Variants in CRHR2 observed in about 807,000 individuals in gnomAD.
The protein encoded by CRHR2 is corticotropin-releasing hormone receptor 2.
A neutral mutation model predicts 57.9 loss-of-function variants in CRHR2; 53 were observed. The observed-to-expected ratio is 0.92, with a 90% CI of 0.73 to 1.15. The LOEUF (loss-of-function observed/expected upper bound fraction) is 1.15. Among genes scored for constraint, CRHR2 ranks in the 50% most tolerant of loss-of-function variants. CRHR2 has a pLI of 0.00. For synonymous variants in CRHR2, 213 were observed against 220.9 expected (o/e 0.96, Z 0.32); for missense variants, 532 against 542.6 (o/e 0.98, Z 0.19).
chr7:30,698,883 G>A (rs1286095623), intron 1 of CRHR2, among the ~76,000 whole-genome samples: 1 of 152,224 alleles, frequency 6.6e-6, no homozygotes, highest in Non-Finnish European at 1.5e-5. Flanking sequence ...TACTGATGAG[G>A]AAACTGAGGA....
chr7:30,687,283 A>G (rs1049039988), upstream of CRHR2, among the ~76,000 whole-genome samples: 3 of 152,098 alleles, frequency 2.0e-5, no homozygotes, highest in East Asian at 5.8e-4. Context: ...CCATCCGGTC[A>G]TGGTTCATGT....
At chr7:30,681,412 A>G (rs1784700249) in intron 2 of CRHR2, among the ~76,000 whole-genome samples, 1 of 152,094 alleles carries the variant, frequency 6.6e-6, no homozygotes, top group African/African-American at 2.4e-5. Flanking sequence ...TGTCCTCCCC[A>G]CGAAACATGC....
Position 30,665,764 on chromosome 7 carries a change from C to T in CRHR2, c.316-125G>A, listed in dbSNP as rs1257570341. The T allele has an allele frequency of 5.5e-6, 4 of 729,812 alleles. No individual in the cohort carries two copies. Among genetic ancestry groups the T allele is most frequent in the African/African-American group, 1.8e-5 (1 of 56,466 alleles). 45.2% of individuals were successfully genotyped at this position (729,812 alleles called of 1,614,324 possible). On this transcript the variant is annotated intron_variant, in intron 3 of 11. Transcript: ENST00000471646. This position sits in a 1 kb window ranked among gnomAD's most constrained non-coding sequence, Gnocchi z 4.5. ...GCAGAAGTGCTCCAGGTGTCATTGC[C>T]GTGCCTGGCTCTTAGGGTTCGTTCC...
intron 1 of CRHR2, among the ~76,000 whole-genome samples, chr7:30,696,401 A>G (rs1379756469): frequency 6.6e-6 from 1 of 152,162 alleles, no homozygotes; most frequent in Non-Finnish European, 1.5e-5. Context: ...AAATATATAT[A>G]CCTACTATGT....
rs776276879 is a variant in CRHR2, at chr7:30,662,247, G to A, written c.698-31C>T. On this transcript the variant is annotated intron_variant, in intron 6 of 11. Coordinates refer to ENST00000471646, the MANE Select transcript of CRHR2 (RefSeq NM_001883.5). ...AGAAGGAAAGACTTGGGCTGCAGGG[G>A]ACAGATGGACAGGGACTTTCTTGTA... is the stretch of plus-strand genomic sequence containing the variant. The A allele has an allele frequency of 4.3e-6, 7 of 1,611,438 alleles. No homozygotes were observed. In the African/African-American group the frequency reaches 8.0e-5, roughly 18 times the overall value.
At chr7:30,666,538 C>T (rs1420576108) in intron 3 of CRHR2, among the ~76,000 whole-genome samples, 2 of 152,334 alleles carry the variant, frequency 1.3e-5, no homozygotes, top group East Asian at 3.9e-4. Context: ...TGAGTGGCCT[C>T]CCTGCAGAAC....
In CRHR2 at chr7:30,656,434, G is replaced by A. The variant is rs565626737; in HGVS notation, c.832-422C>T. Among the ~76,000 whole-genome samples, 26 of 152,316 alleles carry A rather than the reference G, an allele frequency of 1.7e-4. No homozygotes were observed. The South Asian group carries it at 3.3e-3, about 19-fold the overall frequency. On this transcript the variant is annotated intron_variant, in intron 8 of 11. Coordinates refer to ENST00000471646, the MANE Select transcript of CRHR2 (RefSeq NM_001883.5). The surrounding 1 kb of genome is among the most constrained non-coding windows in gnomAD (Gnocchi z 4.4). ...CTTGCACTGTCACTGGCTCTAGGTC[G>A]GCCTGAGGTCCTTCTGACTGAGGAC...
chr7:30,689,569 G>A (rs1304718957), intron 1 of CRHR2, among the ~76,000 whole-genome samples: 1 of 144,776 alleles, frequency 6.9e-6, no homozygotes, highest in African/African-American at 2.5e-5. Context: ...GCTGGGATGT[G>A]TCACTGTCAT....
intron 1 of CRHR2, among the ~76,000 whole-genome samples, chr7:30,696,885 G>A (rs911204149): frequency 3.9e-5 from 6 of 152,038 alleles, no homozygotes; most frequent in Admixed American, 3.9e-4. Context: ...TTAAAGTGCT[G>A]CAAATTTGAG....
Position 30,682,387 on chromosome 7 carries a change from C to T in CRHR2, c.-107G>A. On this transcript the variant is annotated 5_prime_UTR_variant, in exon 1 of 12. Coordinates refer to ENST00000471646, the MANE Select transcript of CRHR2 (RefSeq NM_001883.5). Reference sequence around the variant, plus strand: ...GCCGAGAGGGCGCGGGGTCCTGGCCCCCGCCAGCCCAGCCCCGATCTCCCG... The same window carrying T: ...GCCGAGAGGGCGCGGGGTCCTGGCCTCCGCCAGCCCAGCCCCGATCTCCCG... 1 of 1,392,146 alleles carries T rather than the reference C, an allele frequency of 7.2e-7. No homozygotes were observed. Among genetic ancestry groups the T allele is most frequent in the Non-Finnish European group, 9.3e-7 (1 of 1,077,698 alleles). The allele number at this position is 1,392,146 out of a possible 1,614,324, so 86.2% of individuals were successfully genotyped here.
chr7:30,690,114 G>A (rs561835027), intron 1 of CRHR2, among the ~76,000 whole-genome samples: 4 of 152,334 alleles, frequency 2.6e-5, no homozygotes, highest in East Asian at 1.9e-4. Context: ...ATGTGCACCC[G>A]TGAAGGGACC....
At chr7:30,674,916 C>T (rs1784471078) in intron 2 of CRHR2, among the ~76,000 whole-genome samples, 1 of 152,178 alleles carries the variant, frequency 6.6e-6, no homozygotes, top group African/African-American at 2.4e-5. Flanking sequence ...TAGCTGTCTA[C>T]AGGGAGCCCC....
intron 11 of CRHR2, chr7:30,654,553 G>T: frequency 2.3e-6 from 2 of 863,196 alleles, no homozygotes; most frequent in Non-Finnish European, 3.5e-6. Context: ...CTGCACTGGG[G>T]CTTTGGGCCT....
intron 1 of CRHR2, among the ~76,000 whole-genome samples, chr7:30,693,418 T>A (rs1451418691): frequency 6.6e-6 from 1 of 152,170 alleles, no homozygotes; most frequent in Non-Finnish European, 1.5e-5. Context: ...ATTGGGGGCT[T>A]CTGGTTGGTG....
At chr7:30,694,112 C>T (rs1478886141) in intron 1 of CRHR2, among the ~76,000 whole-genome samples, 1 of 152,228 alleles carries the variant, frequency 6.6e-6, no homozygotes, top group Non-Finnish European at 1.5e-5. Flanking sequence ...TGTCAACTGA[C>T]TGACTGCTTG....
At chr7:30,682,069 T>C in intron 1 of CRHR2, 29 bp from the exon 2 acceptor site, 1 of 1,560,676 alleles carries the variant, frequency 6.4e-7, no homozygotes, top group Non-Finnish European at 8.7e-7. Context: ...GCAGTAGGGC[T>C]CAGAGGGGCC....
intron 2 of CRHR2, among the ~76,000 whole-genome samples, chr7:30,667,636 A>C (rs986676502): frequency 2.6e-5 from 4 of 152,260 alleles, no homozygotes; most frequent in Non-Finnish European, 5.9e-5. Flanking sequence ...CACTGCTTTC[A>C]GCATGCCACA....
At chr7:30,663,731 A>G (rs1321110631) in intron 5 of CRHR2, among the ~76,000 whole-genome samples, 1 of 152,208 alleles carries the variant, frequency 6.6e-6, no homozygotes, top group Non-Finnish European at 1.5e-5. Flanking sequence ...CTTCCAGGCC[A>G]GAGCTCCTCT....
intron 1 of CRHR2, among the ~76,000 whole-genome samples, chr7:30,696,178 C>CAA (rs58598488): frequency 4.0e-5 from 6 of 148,450 alleles, no homozygotes; most frequent in African/African-American, 1.5e-4. Flanking sequence ...TAACAGGTAC[C>CAA]AAAAAAAAAT....
Sources: gnomAD v4.1 joint callset for allele counts (sites outside exome capture counted in the v4.1 genomes callset) on GRCh38, gnomAD v4.1.1 for gene constraint, Gnocchi (gnomAD v3.1) non-coding constraint, MANE v1.5 for transcripts, NCBI Gene and HGNC (gene_info 2026-07-23, HGNC 2026-07-21) for gene names.